DGKI: variants seen among roughly 807,000 people sequenced by gnomAD.
The protein encoded by DGKI is DAG kinase iota.
A neutral mutation model predicts 147.5 loss-of-function variants in DGKI; 55 were observed. That is an observed-to-expected ratio of 0.37 (90% CI 0.30 to 0.47). DGKI has a LOEUF of 0.47. Among genes scored for constraint, DGKI ranks in the 20% least tolerant of loss-of-function variants. The pLI, the probability that DGKI is intolerant of heterozygous loss-of-function variation, is 1.00. For synonymous variants in DGKI, 469 were observed against 477.1 expected (o/e 0.98, Z 0.22); for missense variants, 1,007 against 1,323.8 (o/e 0.76, Z 3.71).
chr7:137,823,468 C>A (rs1415744930), intron 1 of DGKI, among the ~76,000 whole-genome samples: 1 of 152,172 alleles, frequency 6.6e-6, no homozygotes, highest in Admixed American at 6.5e-5. Flanking sequence ...GAAGCTCCTG[C>A]GGATGTTTCA....
chr7:137,417,055 A>G (rs933957138), intron 28 of DGKI, among the ~76,000 whole-genome samples: 2 of 152,150 alleles, frequency 1.3e-5, no homozygotes, highest in Non-Finnish European at 2.9e-5. Flanking sequence ...TTATTATTCA[A>G]CTCCAGATAA....
rs1347761389 is a variant in DGKI at position 137,387,843 on chromosome 7, G to A, written c.*3377C>T. On this transcript the variant is annotated 3_prime_UTR_variant, in exon 33 of 33. Transcript: ENST00000614521. ...ACATGTAATAAAATAAAGATGCTGT[G>A]TCATTTTTTAAAGCCATGAATATTA... is the stretch of plus-strand genomic sequence containing the variant. 1 of 152,084 alleles carries A rather than the reference G, an allele frequency of 6.6e-6. No individual in the cohort carries two copies. The highest frequency in any genetic ancestry group is 2.4e-5 in the African/African-American group (1 of 41,418). The allele number at this position is 152,084 out of a possible 1,614,324, so 9.4% of individuals were successfully genotyped here. A position where few individuals can be genotyped will look rare whatever the true frequency, so the allele number is the denominator to read the frequency against.
At chr7:137,638,368 T>C (rs1040792810) in intron 6 of DGKI, among the ~76,000 whole-genome samples, 2 of 148,566 alleles carry the variant, frequency 1.3e-5, no homozygotes, top group Admixed American at 1.4e-4. Flanking sequence ...CCCCAATGCT[T>C]CTTTTTTTTT....
intron 29 of DGKI, among the ~76,000 whole-genome samples, chr7:137,411,927 A>G (rs1046053290): frequency 6.6e-6 from 1 of 152,214 alleles, no homozygotes; most frequent in African/African-American, 2.4e-5. Flanking sequence ...TCTAGAGGGC[A>G]GGCACACTGT....
chr7:137,471,673 C>G (rs1317214343), intron 23 of DGKI, among the ~76,000 whole-genome samples: 1 of 151,926 alleles, frequency 6.6e-6, no homozygotes, highest in African/African-American at 2.4e-5. Flanking sequence ...CAAAAGGATG[C>G]ATCTTAGTAA....
In DGKI at chr7:137,426,694, G is replaced by T. The variant is rs955524074; in HGVS notation, c.2762-14487C>A. Among the ~76,000 whole-genome samples, 62 of 151,756 alleles carry T rather than the reference G, an allele frequency of 4.1e-4. 1 individual carries two copies. Among genetic ancestry groups the T allele is most frequent in the Non-Finnish European group, 5.2e-4 (35 of 67,930 alleles). On this transcript the variant is annotated intron_variant, in intron 28 of 32. Coordinates refer to ENST00000614521, the MANE Select transcript of DGKI (RefSeq NM_001321708.2). Reference sequence around the variant, plus strand: ...GACACACACAGGCTCAAAATAAAAGGATGGAGGAAGATCTACCAAGCAAAT... The same window carrying T: ...GACACACACAGGCTCAAAATAAAAGTATGGAGGAAGATCTACCAAGCAAAT...
At chr7:137,544,910 G>T (rs1251349956) in intron 20 of DGKI, among the ~76,000 whole-genome samples, 1 of 152,116 alleles carries the variant, frequency 6.6e-6, no homozygotes, top group African/African-American at 2.4e-5. Context: ...CTCCAGTGAG[G>T]GTGTAATTAA....
chr7:137,642,682 CATCTG>C (rs1821672937), intron 6 of DGKI, among the ~76,000 whole-genome samples: 1 of 152,124 alleles, frequency 6.6e-6, no homozygotes, highest in Admixed American at 6.6e-5. Flanking sequence ...TGAGTTATCT[CATCTG>C]ATCTCTGTTA....
chr7:137,837,656 C>G (rs1257530193), intron 1 of DGKI, among the ~76,000 whole-genome samples: 1 of 152,182 alleles, frequency 6.6e-6, no homozygotes, highest in Non-Finnish European at 1.5e-5. Flanking sequence ...TGTGAGGACA[C>G]CATGAGAAGA....
intron 26 of DGKI, among the ~76,000 whole-genome samples, chr7:137,464,502 A>G (rs1325785469): frequency 6.6e-6 from 1 of 152,084 alleles, no homozygotes; most frequent in Non-Finnish European, 1.5e-5. Flanking sequence ...GGCCTTCCCC[A>G]CCACCTTTGG....
At chr7:137,542,532 C>T (rs1817737859) in intron 20 of DGKI, among the ~76,000 whole-genome samples, 2 of 152,164 alleles carry the variant, frequency 1.3e-5, no homozygotes, top group African/African-American at 2.4e-5. Flanking sequence ...ACATTGTATA[C>T]TTCCATTTAT....
Position 137,428,795 on chromosome 7 carries a change from A to T in DGKI, c.2761+15282T>A, listed in dbSNP as rs545630468. Among the ~76,000 whole-genome samples the T allele has an allele frequency of 2.0e-5, 3 of 152,292 alleles. No homozygotes were observed. The South Asian group carries it at 6.2e-4, about 32-fold the overall frequency. ...AGAGCCAAATCATGAGTGAACTCCCAGTCACAATTGCTTCAAAGAGAATAA... is the reference window on the plus strand; with the variant it reads ...AGAGCCAAATCATGAGTGAACTCCCTGTCACAATTGCTTCAAAGAGAATAA... On this transcript the variant is annotated intron_variant, in intron 28 of 32. Transcript: ENST00000614521.
intron 3 of DGKI, among the ~76,000 whole-genome samples, chr7:137,675,882 C>G (rs964480900): frequency 3.3e-5 from 5 of 152,092 alleles, no homozygotes; most frequent in African/African-American, 1.2e-4. Flanking sequence ...TAGCAAGTCA[C>G]TTCTCTTTTC....
At chr7:137,652,229 T>C (rs1458425816) in intron 5 of DGKI, among the ~76,000 whole-genome samples, 2 of 152,206 alleles carry the variant, frequency 1.3e-5, no homozygotes, top group Admixed American at 6.5e-5. Flanking sequence ...AAGTCCTTGA[T>C]AAGAAGACAA....
chr7:137,706,204 C>T (rs575618894), intron 1 of DGKI, among the ~76,000 whole-genome samples: 52 of 151,714 alleles, frequency 3.4e-4, no homozygotes, highest in African/African-American at 8.2e-4. Context: ...TTTGTTTATA[C>T]CACAATTTAT....
At chr7:137,625,468 T>A (rs1820902816) in intron 6 of DGKI, among the ~76,000 whole-genome samples, 1 of 150,976 alleles carries the variant, frequency 6.6e-6, no homozygotes, top group Non-Finnish European at 1.5e-5. Context: ...TCAAAAAAAA[T>A]AATAAAATAA....
intron 6 of DGKI, among the ~76,000 whole-genome samples, chr7:137,624,532 C>T (rs183332857): frequency 2.5e-4 from 38 of 152,256 alleles, no homozygotes; most frequent in Non-Finnish European, 4.3e-4. Context: ...TTTTTCAGCG[C>T]CCATAATCCC....
intron 1 of DGKI, among the ~76,000 whole-genome samples, chr7:137,812,610 T>A (rs2117005753): frequency 6.6e-6 from 1 of 152,316 alleles, no homozygotes; most frequent in Middle Eastern, 3.4e-3. Context: ...ATGGCAGTAT[T>A]CCAAGCCCTT....
intron 6 of DGKI, among the ~76,000 whole-genome samples, chr7:137,638,472 ATG>A (rs1212840862): frequency 1.4e-3 from 172 of 119,266 alleles, no homozygotes; most frequent in South Asian, 0.01. Context: ...GTGTGTATAT[ATG>A]TGTGTATATA....
Sources: allele counts gnomAD v4.1 joint callset (sites outside exome capture counted in the v4.1 genomes callset), GRCh38; gene constraint gnomAD v4.1.1; transcripts MANE v1.5; gene names NCBI Gene and HGNC (gene_info 2026-07-23, HGNC 2026-07-21).